Variants in NCALD observed in about 807,000 individuals in gnomAD.
NCALD encodes the protein neurocalcin-delta.
NCALD carries 10 observed loss-of-function variants against 18.6 expected under a neutral mutation model. The observed-to-expected ratio is 0.54, with a 90% CI of 0.33 to 0.91. The LOEUF (loss-of-function observed/expected upper bound fraction) is 0.91. Among genes scored for constraint, NCALD ranks in the 40% least tolerant of loss-of-function variants. The pLI is 0.03. For synonymous variants in NCALD, 88 were observed against 87.4 expected, an observed-to-expected ratio of 1.01 and a Z score of -0.04; for missense variants, 184 against 247.6, an observed-to-expected ratio of 0.74 and a Z score of 1.72.
intron 1 of NCALD, among the ~76,000 whole-genome samples, chr8:102,108,675 T>A (rs79051097): frequency 0.12 from 18,463 of 152,154 alleles, 1,343 homozygotes; most frequent in Non-Finnish European, 0.16. Context: ...AAAGTGTTTT[T>A]TTCACCTTGT....
At chr8:101,712,587 C>CAAAAAAAAAAAAA (rs201729096) in intron 2 of NCALD, among the ~76,000 whole-genome samples, 28 of 78,904 alleles carry the variant, frequency 3.5e-4, no homozygotes, top group African/African-American at 4.2e-4. Context: ...AAATGGAAAG[C>CAAAAAAAAAAAAA]AAAAAAAAAA....
chr8:102,112,777 GGTAA>G lies in NCALD; in HGVS notation c.-210+11456_-210+11459del, dbSNP rs1825679045. 2.0e-5 allele frequency among the ~76,000 whole-genome samples: 3 copies of G among 152,104 alleles called. No individual in the cohort carries two copies. The South Asian group carries it at 6.2e-4, about 32-fold the overall frequency. On this transcript the variant is annotated intron_variant, in intron 1 of 6. Coordinates refer to the NCALD transcript ENST00000311028. The stretch of plus-strand genomic sequence containing the variant: ...ATGCCCTCCCTGGGTGGAGGAGGGA[GGTAA>G]GTGAGTTCTCACTCTATTAGTTCAG...
At chr8:102,046,334 C>T (rs1322370927) in intron 1 of NCALD, among the ~76,000 whole-genome samples, 1 of 152,166 alleles carries the variant, frequency 6.6e-6, no homozygotes, top group Non-Finnish European at 1.5e-5. Context: ...GACATTCATG[C>T]TCATGTATGT....
intron 4 of NCALD, among the ~76,000 whole-genome samples, chr8:101,816,504 G>A (rs966228904): frequency 6.6e-6 from 1 of 151,874 alleles, no homozygotes; most frequent in Admixed American, 6.6e-5. Flanking sequence ...TTTCACAATT[G>A]CCTGTCTTTG....
At chr8:101,859,093 T>C (rs991329131) in intron 4 of NCALD, among the ~76,000 whole-genome samples, 2 of 152,132 alleles carry the variant, frequency 1.3e-5, no homozygotes, top group African/African-American at 4.8e-5. Flanking sequence ...TCAATCTGGG[T>C]GGGCACCATC....
At chr8:101,829,939 AT>A (rs1195858620) in intron 4 of NCALD, among the ~76,000 whole-genome samples, 6 of 147,462 alleles carry the variant, frequency 4.1e-5, no homozygotes, top group African/African-American at 1.2e-4. Flanking sequence ...ACCATTTTTA[AT>A]AGCATCAGGA....
intron 1 of NCALD, among the ~76,000 whole-genome samples, chr8:102,071,728 TA>T (rs1187697181): frequency 2.4e-5 from 1 of 41,066 alleles, no homozygotes; most frequent in Non-Finnish European, 4.7e-5. Context: ...AACGAAATTT[TA>T]AAACAATAAA....
intron 4 of NCALD, among the ~76,000 whole-genome samples, chr8:101,804,521 A>T (rs1327131240): frequency 6.5e-5 from 8 of 123,142 alleles, no homozygotes; most frequent in African/African-American, 3.0e-4. Flanking sequence ...AATATATAAC[A>T]AAGATTATAT....
At chr8:101,692,503 A>G in intron 3 of NCALD, 2 of 985,400 alleles carry the variant, frequency 2.0e-6, no homozygotes, top group Non-Finnish European at 2.4e-6. Context: ...TGTGCTAACA[A>G]TGGTTTCTTG....
intron 2 of NCALD, among the ~76,000 whole-genome samples, chr8:101,941,349 A>G (rs1268245055): frequency 6.6e-6 from 1 of 152,220 alleles, no homozygotes; most frequent in Non-Finnish European, 1.5e-5. Context: ...TCACGCTCCT[A>G]TGAGAATCCA....
At chr8:101,711,833 G>C (rs1815809371) in intron 2 of NCALD, among the ~76,000 whole-genome samples, 1 of 152,148 alleles carries the variant, frequency 6.6e-6, no homozygotes, top group Non-Finnish European at 1.5e-5. Context: ...ATGGAACCAA[G>C]TTGGTAACAC....
intron 2 of NCALD, among the ~76,000 whole-genome samples, chr8:101,920,156 C>T (rs1372827129): frequency 6.6e-6 from 1 of 152,034 alleles, no homozygotes; most frequent in Non-Finnish European, 1.5e-5. Flanking sequence ...ATTTGGGAGG[C>T]TGAAGTGGGA....
chr8:101,968,825 C>T (rs4734606), intron 2 of NCALD, among the ~76,000 whole-genome samples: 57,717 of 151,962 alleles, frequency 0.38, 11,178 homozygotes, highest in South Asian at 0.44. Flanking sequence ...AGTAAAATCC[C>T]AGCAAAGCCC....
intron 1 of NCALD, among the ~76,000 whole-genome samples, chr8:102,075,481 T>C (rs908325915): frequency 6.6e-5 from 10 of 152,240 alleles, no homozygotes; most frequent in African/African-American, 2.2e-4. Context: ...TATAATACTA[T>C]AGAATTATGT....
chr8:102,124,150 A>AGCAGCCGCCCCCGGC (rs1169178677), intron 1 of NCALD: 1 of 146,768 alleles, frequency 6.8e-6, no homozygotes, highest in Non-Finnish European at 1.5e-5. Flanking sequence ...GGTCCCCCCC[A>AGCAGCCGCCCCCGGC]GCAGCCGCCC....
At chr8:101,894,619 A>G (rs201261322) in intron 3 of NCALD, among the ~76,000 whole-genome samples, 46,647 of 136,694 alleles carry the variant, frequency 0.34, 11,182 homozygotes, top group African/African-American at 0.65. Context: ...CTGCTAGCAA[A>G]ACTAATAAAG....
intron 1 of NCALD, among the ~76,000 whole-genome samples, chr8:102,076,794 T>A (rs560522048): frequency 1.3e-5 from 2 of 152,324 alleles, no homozygotes; most frequent in East Asian, 3.9e-4. Flanking sequence ...CAGGTAAGTA[T>A]AATTACCTAA....
intron 1 of NCALD, among the ~76,000 whole-genome samples, chr8:101,740,282 A>AT (rs1044644021): frequency 6.6e-6 from 1 of 152,256 alleles, no homozygotes; most frequent in African/African-American, 2.4e-5. Flanking sequence ...ATGGACTGAA[A>AT]TAAAGGCCAG....
At chr8:101,767,386 A>G (rs373889000) in intron 1 of NCALD, among the ~76,000 whole-genome samples, 1 of 152,234 alleles carries the variant, frequency 6.6e-6, no homozygotes, top group East Asian at 1.9e-4. Flanking sequence ...CACATAAAAC[A>G]ACATCTGGAG....
Sources: gnomAD v4.1 joint callset for allele counts (sites outside exome capture counted in the v4.1 genomes callset) on GRCh38, gnomAD v4.1.1 for gene constraint, MANE v1.5 for transcripts, NCBI Gene and HGNC (gene_info 2026-07-23, HGNC 2026-07-21) for gene names.